ASRGL1: variants seen among roughly 807,000 people sequenced by gnomAD.
ASRGL1 encodes the protein asparaginase and isoaspartyl peptidase 1.
ASRGL1 carries 16 observed loss-of-function variants against 22.4 expected under a neutral mutation model. That is an observed-to-expected ratio of 0.71 (90% CI 0.48 to 1.08). ASRGL1 has a LOEUF of 1.08. Ranked by LOEUF, ASRGL1 falls within the 50% of genes least tolerant of loss-of-function variation. The pLI is 0.00. For missense variants in ASRGL1, 412 were observed against 410.1 expected (o/e 1.00, Z -0.04); for synonymous variants, 165 against 159.3 (o/e 1.04, Z -0.27).
intron 4 of ASRGL1, chr11:62,372,168 A>G (rs1189789567): frequency 2.1e-6 from 2 of 933,522 alleles, no homozygotes; most frequent in African/African-American, 3.2e-5. Context: ...GGACATGGTG[A>G]CACCAAGAGA....
At chr11:62,372,708 A>G in intron 4 of ASRGL1, 1 of 1,356,140 alleles carries the variant, frequency 7.4e-7, no homozygotes, top group Non-Finnish European at 1.1e-6. Flanking sequence ...CACAGAGCAG[A>G]AGGATGAGAT....
At chr11:62,382,476 C>T (rs1298646904) in intron 4 of ASRGL1, 1 of 151,976 alleles carries the variant, frequency 6.6e-6, no homozygotes, top group Non-Finnish European at 1.5e-5. Flanking sequence ...TTGTCGCTAG[C>T]ACCTCTCACC....
chr11:62,396,639 G>A (rs541079692), downstream of ASRGL1, among the ~76,000 whole-genome samples: 2 of 152,302 alleles, frequency 1.3e-5, no homozygotes, highest in East Asian at 1.9e-4. Flanking sequence ...AGAAAGACCA[G>A]CACACATGGA....
Position 62,392,276 on chromosome 11 carries a change from C to G in ASRGL1, c.919C>G (p.Leu307Val). The G allele has an allele frequency of 6.2e-7, 1 of 1,613,572 alleles. No individual in the cohort carries two copies. Among genetic ancestry groups the G allele is most frequent in the Non-Finnish European group, 8.5e-7 (1 of 1,180,006 alleles). ...IDPDDTTITD[L>V]P The stretch of plus-strand genomic sequence containing the variant: ...TCCTGACGATACTACTATCACCGAC[C>G]TTCCCTAAGCCGCTGGAAGATTGTA... The change falls in exon 7 of 7, where the codon CTT becomes GTT. Residue 307 changes from leucine to valine, a missense_variant. Leu to Val is a conservative substitution (Grantham distance 32). Transcript: ENST00000415229.
chr11:62,356,524 A>G, intron 3 of ASRGL1, 57 bp downstream of exon 3: 2 of 1,568,662 alleles, frequency 1.3e-6, no homozygotes, highest in Non-Finnish European at 1.8e-6. Flanking sequence ...TACTGCAGTG[A>G]TAAGGGCTCC....
At chr11:62,382,384 A>C (rs771417380) in intron 4 of ASRGL1, 1 of 151,958 alleles carries the variant, frequency 6.6e-6, no homozygotes, top group Non-Finnish European at 1.5e-5. Context: ...GCAGGAAAAC[A>C]TGTGAACAAA....
intron 4 of ASRGL1, among the ~76,000 whole-genome samples, chr11:62,361,328 A>T (rs909960700): frequency 2.0e-5 from 3 of 151,876 alleles, no homozygotes; most frequent in African/African-American, 7.3e-5. Context: ...AGTAGGTGGG[A>T]CTACAGGCAT....
intron 4 of ASRGL1, among the ~76,000 whole-genome samples, chr11:62,367,763 A>G (rs1946651032): frequency 2.0e-5 from 3 of 151,618 alleles, no homozygotes; most frequent in Middle Eastern, 6.9e-3. Context: ...CCAACATAGT[A>G]AAATCCCATC....
At chr11:62,381,412 T>C (rs1947063998) in intron 4 of ASRGL1, among the ~76,000 whole-genome samples, 1 of 152,240 alleles carries the variant, frequency 6.6e-6, no homozygotes, top group Non-Finnish European at 1.5e-5. Flanking sequence ...TTTTGAACTT[T>C]CCATTCCTTT....
chr11:62,370,214 TTG>T, intron 4 of ASRGL1, among the ~76,000 whole-genome samples: 1 of 152,336 alleles, frequency 6.6e-6, no homozygotes, highest in East Asian at 1.9e-4. Context: ...ACGCCTTCTC[TTG>T]CTCTCACTAG....
intron 4 of ASRGL1, among the ~76,000 whole-genome samples, chr11:62,365,792 T>C (rs144202845): frequency 0.04 from 6,148 of 152,110 alleles, 428 homozygotes; most frequent in African/African-American, 0.14. Flanking sequence ...GAGGCTGCTG[T>C]GAGCTGAGAT....
chr11:62,354,976 CTG>C (rs1946244732), intron 2 of ASRGL1, among the ~76,000 whole-genome samples: 1 of 151,986 alleles, frequency 6.6e-6, no homozygotes, highest in African/African-American at 2.4e-5. Context: ...GAGTCTCACT[CTG>C]TCACCCTTGG....
At chr11:62,385,588 G>C (rs1947181542) in intron 4 of ASRGL1, among the ~76,000 whole-genome samples, 1 of 152,232 alleles carries the variant, frequency 6.6e-6, no homozygotes, top group African/African-American at 2.4e-5. Flanking sequence ...TTTAGGGCCA[G>C]GCGTGGTGCC....
intron 4 of ASRGL1, chr11:62,372,125 T>C (rs1272599270): frequency 2.4e-6 from 2 of 817,038 alleles, no homozygotes; most frequent in African/African-American, 1.7e-5. Context: ...AGGAAAGCTG[T>C]GGAGCTGGGG....
intron 2 of ASRGL1, among the ~76,000 whole-genome samples, chr11:62,339,714 AAGTT>A (rs1157841006): frequency 2.6e-5 from 4 of 152,226 alleles, no homozygotes; most frequent in Admixed American, 6.5e-5. Context: ...AGTTAGGTAT[AAGTT>A]AGGCATAATT....
chr11:62,400,395 C>T, the ASRGL1 span, among the ~76,000 whole-genome samples: 4 of 152,274 alleles, frequency 2.6e-5, no homozygotes, highest in South Asian at 2.1e-4. Context: ...CAGAGTGAGC[C>T]GTTCCTTTTC....
At chr11:62,339,655 T>G (rs1010559222) in intron 2 of ASRGL1, among the ~76,000 whole-genome samples, 4 of 152,232 alleles carry the variant, frequency 2.6e-5, no homozygotes, top group African/African-American at 7.2e-5. Context: ...TAATGAACAT[T>G]AAATGATTCA....
rs1440510438 is a variant in ASRGL1, at chr11:62,362,916, T to A, written c.491+5772T>A. Reference sequence around the variant, plus strand: ...ATTTTTTTTTTTTTTTTTTTTTTTTTTTTTTTTTTTTTTTTTTTTTGAGAC... The same window carrying A: ...ATTTTTTTTTTTTTTTTTTTTTTTTATTTTTTTTTTTTTTTTTTTTGAGAC... On this transcript the variant is annotated intron_variant, in intron 4 of 6. Transcript: ENST00000415229. 9.9e-5 allele frequency among the ~76,000 whole-genome samples: 5 copies of A among 50,496 alleles called. No homozygotes were observed. The East Asian group carries it at 1.4e-3, about 14-fold the overall frequency. The allele number at this position is 50,496 out of a possible 152,430, so 33.1% of individuals were successfully genotyped here.
In ASRGL1 at chr11:62,371,320, G is replaced by GC. The variant is rs1301678355; in HGVS notation, c.491+14181dup. Reference sequence around the variant, plus strand: ...CGAGGACGGCCTGGAGCTCGACGGGGCCCCCGGCAGGGGCAAGCGCGCGGC... The same window carrying GC: ...CGAGGACGGCCTGGAGCTCGACGGGGCCCCCCGGCAGGGGCAAGCGCGCGGC... On this transcript the variant is annotated intron_variant, in intron 4 of 6. Coordinates refer to ENST00000415229, the MANE Select transcript of ASRGL1 (RefSeq NM_001083926.2). 11 of 1,335,270 alleles carry GC rather than the reference G, an allele frequency of 8.2e-6. No homozygotes were observed. The East Asian group carries it at 1.5e-4, about 18-fold the overall frequency. 82.7% of individuals were successfully genotyped at this position (1,335,270 alleles called of 1,614,324 possible). A position where few individuals can be genotyped will look rare whatever the true frequency, so the allele number is the denominator to read the frequency against.
Sources: gnomAD v4.1 joint callset for allele counts (sites outside exome capture counted in the v4.1 genomes callset) on GRCh38, gnomAD v4.1.1 for gene constraint, MANE v1.5 for transcripts, NCBI Gene and HGNC (gene_info 2026-07-23, HGNC 2026-07-21) for gene names.